The following HTR4 variants were observed in gnomAD, a reference collection of about 807,000 sequenced individuals.
The protein encoded by HTR4 is 5-hydroxytryptamine receptor 4.
Under a neutral mutation model 36.8 loss-of-function variants are expected in HTR4, and 16 were observed. The observed-to-expected ratio is 0.43, with a 90% confidence interval of 0.29 to 0.66. The LOEUF is 0.66. Ranked by LOEUF, HTR4 falls within the 30% of genes least tolerant of loss-of-function variation. HTR4 has a pLI of 0.13. For missense variants in HTR4, 438 were observed against 490.9 expected (o/e 0.89, Z 1.02); for synonymous variants, 189 against 185.1 (o/e 1.02, Z -0.17).
At chr5:148,546,371 TAATC>T (rs1759384399) in intron 4 of HTR4, among the ~76,000 whole-genome samples, 1 of 152,214 alleles carries the variant, frequency 6.6e-6, no homozygotes, top group African/African-American at 2.4e-5. Context: ...CAGAAAGGCT[TAATC>T]ACTTATTCCC....
chr5:148,473,942 G>A (rs9325100), downstream of HTR4, among the ~76,000 whole-genome samples: 6,232 of 152,086 alleles, frequency 0.041, 438 homozygotes, highest in African/African-American at 0.14. Flanking sequence ...GCTCTCCACC[G>A]AGACGGCTAC....
intron 5 of HTR4, among the ~76,000 whole-genome samples, chr5:148,513,087 C>G (rs1004538012): frequency 1.3e-5 from 2 of 152,020 alleles, no homozygotes; most frequent in African/African-American, 4.8e-5. Context: ...CTCCCAGGCT[C>G]TAGCAATTCT....
At chr5:148,525,667 C>G (rs1207662891) in intron 4 of HTR4, among the ~76,000 whole-genome samples, 2 of 152,216 alleles carry the variant, frequency 1.3e-5, no homozygotes, top group African/African-American at 4.8e-5. Context: ...TCTTACCCAT[C>G]AAGTCCTCAC....
intron 4 of HTR4, among the ~76,000 whole-genome samples, chr5:148,546,052 C>T (rs1018720747): frequency 1.3e-5 from 2 of 152,058 alleles, no homozygotes; most frequent in African/African-American, 4.8e-5. Context: ...AGAAAATGAG[C>T]AGGACTTGTC....
chr5:148,590,287 C>CT lies in HTR4; in HGVS notation c.27-40026dup, dbSNP rs779077579. Among the ~76,000 whole-genome samples, 64 of 33,342 alleles carry CT rather than the reference C, an allele frequency of 1.9e-3. 6 individuals carry two copies. Among genetic ancestry groups the CT allele is most frequent in the African/African-American group, 3.9e-3 (29 of 7,370 alleles). 21.9% of individuals were successfully genotyped at this position (33,342 alleles called of 152,430 possible). ...GTATTATTATTTTCTTTTTTCTTTT[C>CT]TTTTTTTTTTTTTTTTTTTTTTTTT... On this transcript the variant is annotated intron_variant, in intron 2 of 6. Transcript: ENST00000377888.
chr5:148,631,412 T>A lies in HTR4; in HGVS notation c.26+5577A>T, dbSNP rs1422602077. Among the ~76,000 whole-genome samples, 4 of 152,286 alleles carry A rather than the reference T, an allele frequency of 2.6e-5. No individual in the cohort carries two copies. In the East Asian group the frequency reaches 7.7e-4, roughly 29 times the overall value. ...GCAAAACACCTAAATGCCTTAAAGT[T>A]GCACATGTTCACAATTCTGACTGCC... On this transcript the variant is annotated intron_variant, in intron 2 of 6. Coordinates refer to ENST00000377888, the MANE Select transcript of HTR4 (RefSeq NM_000870.7).
intron 2 of HTR4, among the ~76,000 whole-genome samples, chr5:148,596,159 A>G (rs1761762829): frequency 6.6e-6 from 1 of 152,192 alleles, no homozygotes; most frequent in African/African-American, 2.4e-5. Context: ...ATTTGGCACC[A>G]ATTTTAAGTA....
intron 5 of HTR4, among the ~76,000 whole-genome samples, chr5:148,455,109 T>C (rs779580061): frequency 2.0e-5 from 3 of 152,226 alleles, no homozygotes; most frequent in Non-Finnish European, 4.4e-5. Context: ...CCTTATTTCA[T>C]GTATACAATT....
At chr5:148,493,932 A>G (rs985693671) in intron 6 of HTR4, among the ~76,000 whole-genome samples, 3 of 152,178 alleles carry the variant, frequency 2.0e-5, no homozygotes, top group African/African-American at 7.2e-5. Context: ...TAAAGGCCAT[A>G]AGATGGCTTT....
chr5:148,650,925 C>T (rs1381934007), intron 1 of HTR4, among the ~76,000 whole-genome samples: 1 of 152,160 alleles, frequency 6.6e-6, no homozygotes, highest in Non-Finnish European at 1.5e-5. Context: ...CCCTGTAACA[C>T]CAAGATCCCA....
chr5:148,594,650 G>A (rs1581521913), intron 2 of HTR4, among the ~76,000 whole-genome samples: 3 of 151,984 alleles, frequency 2.0e-5, no homozygotes, highest in South Asian at 2.1e-4. Context: ...CCGCAACACC[G>A]AGGTTACACA....
chr5:148,617,038 G>C (rs1233983107), intron 2 of HTR4, among the ~76,000 whole-genome samples: 1 of 152,050 alleles, frequency 6.6e-6, no homozygotes, highest in African/African-American at 2.4e-5. Context: ...TTTTGATATG[G>C]TTTGGATATT....
intron 2 of HTR4, among the ~76,000 whole-genome samples, chr5:148,552,066 C>T (rs891323509): frequency 5.3e-5 from 8 of 152,124 alleles, no homozygotes; most frequent in Non-Finnish European, 1.2e-4. Flanking sequence ...AAGGTGCATG[C>T]CCTCTCCAGA....
At chr5:148,625,988 C>A (rs564329269) in intron 2 of HTR4, among the ~76,000 whole-genome samples, 3 of 151,790 alleles carry the variant, frequency 2.0e-5, no homozygotes, top group Admixed American at 6.6e-5. Context: ...ATAGCCTATT[C>A]CCCTCTTACT....
chr5:148,534,982 A>T (rs1758744496), intron 4 of HTR4, among the ~76,000 whole-genome samples: 1 of 152,074 alleles, frequency 6.6e-6, no homozygotes, highest in South Asian at 2.1e-4. Flanking sequence ...AGGAACCCAC[A>T]CCTTCAGAGC....
intron 2 of HTR4, among the ~76,000 whole-genome samples, chr5:148,552,180 A>G (rs10045232): frequency 0.014 from 2,159 of 152,348 alleles, 55 homozygotes; most frequent in African/African-American, 0.049. Context: ...GTCTGGCAGC[A>G]GTTGGAGAAT....
chr5:148,497,251 G>A (rs1459626155), intron 6 of HTR4, among the ~76,000 whole-genome samples: 1 of 152,062 alleles, frequency 6.6e-6, no homozygotes, highest in Non-Finnish European at 1.5e-5. Flanking sequence ...GGAGTGCAGT[G>A]GCACAGTAGT....
At chr5:148,530,875 G>T (rs974260612) in intron 4 of HTR4, among the ~76,000 whole-genome samples, 2 of 152,228 alleles carry the variant, frequency 1.3e-5, no homozygotes, top group Non-Finnish European at 2.9e-5. Flanking sequence ...TGACCTGGAT[G>T]TGAGACATGG....
chr5:148,544,769 G>A (rs1471882629), intron 4 of HTR4, among the ~76,000 whole-genome samples: 1 of 152,230 alleles, frequency 6.6e-6, no homozygotes, highest in African/African-American at 2.4e-5. Flanking sequence ...GAGAATGGGA[G>A]TTGGGAAAAT....
Sources: allele counts gnomAD v4.1 joint callset (sites outside exome capture counted in the v4.1 genomes callset), GRCh38; gene constraint gnomAD v4.1.1; transcripts MANE v1.5; gene names NCBI Gene and HGNC (gene_info 2026-07-23, HGNC 2026-07-21).